CABP2: variants seen among roughly 807,000 people sequenced by gnomAD.
CABP2 encodes calcium-binding protein 2.
Under a neutral mutation model 28.6 loss-of-function variants are expected in CABP2, and 25 were observed. The observed-to-expected ratio is 0.87, with a 90% confidence interval of 0.64 to 1.22. The LOEUF (loss-of-function observed/expected upper bound fraction) is 1.22, where lower values mean the gene tolerates loss of function less well. Ranked by LOEUF, CABP2 falls within the 50% of genes most tolerant of loss-of-function variation. The pLI, the probability that CABP2 is intolerant of heterozygous loss-of-function variation, is 0.00. For missense variants in CABP2, 310 were observed against 312.2 expected (o/e 0.99, Z 0.05); for synonymous variants, 138 against 126.0 (o/e 1.09, Z -0.64).
Position 67,521,082 on chromosome 11 carries a change from G to A in CABP2, c.322C>T (p.Arg108Trp), listed in dbSNP as rs766714599. 12 of 1,608,944 alleles carry A rather than the reference G, an allele frequency of 7.5e-6. No individual in the cohort carries two copies. Among genetic ancestry groups the A allele is most frequent in the South Asian group, 5.5e-5 (5 of 90,734 alleles). The stretch of plus-strand genomic sequence containing the variant: ...TCGGTGGGCATGTAGCCCAGGGTCC[G>A]CATGCAGGCACCCAGCTCCCGGCAG... The part of the protein sequence containing the change: ...IGCRELGACM[R>W]TLGYMPTEME... The change falls in exon 4 of 7, where the codon CGG (arginine) becomes TGG (tryptophan). Residue 108 changes from arginine (R) to tryptophan (W), a missense_variant. Arg to Trp is a moderately radical substitution (Grantham distance 101). Transcript: ENST00000294288.
At chr11:67,523,204 C>T (rs1866776792) in intron 1 of CABP2, 81 bp downstream of exon 1, 7 of 1,183,654 alleles carry the variant, frequency 5.9e-6, no homozygotes, top group East Asian at 2.6e-5. Context: ...GCCCGGCCCT[C>T]GGAGGGCTCT....
rs555036449 is a variant in CABP2, at chr11:67,522,613, G to A, written c.146C>T (p.Ser49Leu). ...GDPAPGVQGY[S>L]VLNSLVGPAC... is the part of the protein sequence containing the mutation. ...AGGCCCCACCAGGCTGTTGAGCACC[G>A]AGTAGCCCTGGACGCCTGGCGCGGG... The change falls in exon 2 of 7, where the codon TCG (serine) becomes TTG (leucine). Residue 49 changes from serine to leucine, a missense_variant. Ser to Leu is a moderately radical substitution (Grantham distance 145, BLOSUM62 -2). Coordinates refer to ENST00000294288, the MANE Select transcript of CABP2 (RefSeq NM_016366.3). 70 of 1,550,522 alleles carry A rather than the reference G, an allele frequency of 4.5e-5. 2 individuals are homozygous for A. The South Asian group carries it at 6.7e-4, about 15-fold the overall frequency.
intron 6 of CABP2, 27 bp from the exon 7 acceptor site, chr11:67,519,191 G>C: frequency 6.2e-7 from 1 of 1,613,976 alleles, no homozygotes. Flanking sequence ...AAGGTTTTGG[G>C]TCTGTTCTCT....
chr11:67,519,043 G>T lies in CABP2; in HGVS notation c.*96C>A. On this transcript the variant is annotated 3_prime_UTR_variant, in exon 7 of 7. Coordinates refer to ENST00000294288, the MANE Select transcript of CABP2 (RefSeq NM_016366.3). ...ACAGGTGGGATGGGGAGGAAAGGAG[G>T]GTCCCCGCTAGAGGCGATGGGCTTC... The T allele has an allele frequency of 7.3e-7, 1 of 1,365,026 alleles. No individual in the cohort carries two copies. The highest frequency in any genetic ancestry group is 1.0e-6 in the Non-Finnish European group (1 of 957,446). The allele number at this position is 1,365,026 out of a possible 1,614,324, so 84.6% of individuals were successfully genotyped here.
rs752637897 is a variant in CABP2, at chr11:67,522,546, G to A, written c.213C>T (p.Leu71=). 9 of 1,554,110 alleles carry A rather than the reference G, an allele frequency of 5.8e-6. No individual in the cohort carries two copies. The South Asian group carries it at 7.1e-5, about 12-fold the overall frequency. Residue 71 remains leucine, a splice_region_variant and synonymous_variant, in exon 2 of 7, where the codon CTC becomes CTT. Coordinates refer to ENST00000294288, the MANE Select transcript of CABP2 (RefSeq NM_016366.3). ...CTGGCGGGCGGGTGGCCGTACATAC[G>A]AGTTGGGTGGCGGCAATGCTGGGCC... ...FLRPSIAATQ[L]DRELRPEEIE... is the part of the protein sequence containing the mutation.
chr11:67,520,265 T>A, intron 4 of CABP2, 105 bp from the exon 5 acceptor site: 1 of 698,912 alleles, frequency 1.4e-6, no homozygotes, highest in South Asian at 1.7e-5. Flanking sequence ...GATCCTTTCC[T>A]CCCTCTGCGC....
At position 67,522,698 on chromosome 11, in the gene CABP2, C is replaced by T. The variant is rs750511667; in HGVS notation, c.61G>A (p.Gly21Ser). The T allele has an allele frequency of 1.8e-5, 27 of 1,507,018 alleles. No individual in the cohort carries two copies. Among genetic ancestry groups the T allele is most frequent in the South Asian group, 5.1e-5 (4 of 78,880 alleles). The allele number at this position is 1,507,018 out of a possible 1,614,324, so 93.4% of individuals were successfully genotyped here. The change falls in exon 2 of 7, where the codon GGC becomes AGC. Residue 21 changes from glycine to serine, a missense_variant. Physicochemically the swap from Gly to Ser is moderately conservative, Grantham distance 56. Coordinates refer to ENST00000294288, the MANE Select transcript of CABP2 (RefSeq NM_016366.3). ...GGGCAGGAGCCCCTTGGTGGGGAGC[C>T]GAGCCACTGCAAGGGGTCCTGCAGC... ...RGPKDPLQWL[G>S]SPPRGSCPSP...
In CABP2 at chr11:67,518,920, G is replaced by A. The variant is rs547581031; in HGVS notation, c.*219C>T. 2 of 596,058 alleles carry A rather than the reference G, an allele frequency of 3.4e-6. No individual in the cohort carries two copies. The highest frequency in any genetic ancestry group is 1.9e-5 in the African/African-American group (1 of 53,804). 36.9% of individuals were successfully genotyped at this position (596,058 alleles called of 1,614,324 possible). ...GTGAGAGGCAAAAGCCATCTCCCCA[G>A]GCTTGGAGATATTTTATTGTCAGAG... On this transcript the variant is annotated 3_prime_UTR_variant, in exon 7 of 7. Coordinates refer to ENST00000294288, the MANE Select transcript of CABP2 (RefSeq NM_016366.3).
intron 3 of CABP2, 25 bp from the exon 4 acceptor site, chr11:67,521,184 C>A (rs1453059018): frequency 6.2e-7 from 1 of 1,605,668 alleles, no homozygotes; most frequent in Admixed American, 1.7e-5. Context: ...GGGGTCAGTC[C>A]TTCCCCCACA....
chr11:67,521,736 A>T (rs1008995345), intron 3 of CABP2, among the ~76,000 whole-genome samples: 5 of 152,166 alleles, frequency 3.3e-5, no homozygotes, highest in Admixed American at 6.5e-5. Flanking sequence ...CTGGTGAGTG[A>T]GACCAAGGAA....
Position 67,521,173 on chromosome 11 carries a change from T to G in CABP2, c.245-14A>C, listed in dbSNP as rs1591078986. ...CGACCTGCAGCTCTGCCAGGCAGGG[T>G]GGGGTCAGTCCTTCCCCCACAACCC... On this transcript the variant is annotated splice_polypyrimidine_tract_variant and intron_variant, in intron 3 of 6. Coordinates refer to ENST00000294288, the MANE Select transcript of CABP2 (RefSeq NM_016366.3). 1 of 1,609,698 alleles carries G rather than the reference T, an allele frequency of 6.2e-7. No individual in the cohort carries two copies. Among genetic ancestry groups the G allele is most frequent in the Non-Finnish European group, 8.5e-7 (1 of 1,179,528 alleles).
At chr11:67,520,693 A>C (rs1269477739) in intron 4 of CABP2, among the ~76,000 whole-genome samples, 1 of 152,132 alleles carries the variant, frequency 6.6e-6, no homozygotes, top group South Asian at 2.1e-4. Flanking sequence ...AAACAAAAAA[A>C]CCAAAAAACT....
chr11:67,520,206 C>A, intron 4 of CABP2, 46 bp from the exon 5 acceptor site: 1 of 1,298,748 alleles, frequency 7.7e-7, no homozygotes, highest in South Asian at 1.2e-5. Flanking sequence ...GAGACCCCTG[C>A]CCCTCCCTGG....
At chr11:67,521,878 AACCCT>A in intron 3 of CABP2, 69 bp downstream of exon 3, 4 of 139,654 alleles carry the variant, frequency 2.9e-5, no homozygotes, top group East Asian at 2.7e-4. Context: ...ATGCCCCCCC[AACCCT>A]GTGTCCCCAC....
At chr11:67,522,200 G>A (rs970105933) in intron 2 of CABP2, among the ~76,000 whole-genome samples, 10 of 152,092 alleles carry the variant, frequency 6.6e-5, no homozygotes, top group Non-Finnish European at 1.0e-4. Flanking sequence ...TCACTCCTTG[G>A]GCCGTCCTCA....
intron 1 of CABP2, 122 bp from the exon 2 acceptor site, chr11:67,522,838 G>A (rs906066047): frequency 3.4e-6 from 3 of 887,082 alleles, no homozygotes; most frequent in Non-Finnish European, 5.0e-6. Context: ...GTAGGGAAGG[G>A]GCTGGGGGGT....
intron 3 of CABP2, 86 bp downstream of exon 3, chr11:67,521,866 C>CCGGG: frequency 1.5e-6 from 1 of 656,270 alleles, no homozygotes. Context: ...GGCCCCCACC[C>CCGGG]GATGCCCCCC....
At chr11:67,522,051 C>T (rs373295487) in intron 2 of CABP2, 69 bp from the exon 3 acceptor site, 274 of 1,427,080 alleles carry the variant, frequency 1.9e-4, no homozygotes, top group African/African-American at 1.2e-3. Flanking sequence ...TCTTGCTTCC[C>T]GGGGCTCCCC....
chr11:67,519,715 G>C, intron 6 of CABP2, 78 bp downstream of exon 6: 1 of 1,436,116 alleles, frequency 7.0e-7, no homozygotes, highest in Non-Finnish European at 9.7e-7. Context: ...CTGGTGCCCA[G>C]TGGTGACTCT....
Sources: gnomAD v4.1 joint callset for allele counts (sites outside exome capture counted in the v4.1 genomes callset) on GRCh38, gnomAD v4.1.1 for gene constraint, MANE v1.5 for transcripts, NCBI Gene and HGNC (gene_info 2026-07-23, HGNC 2026-07-21) for gene names.